The following PRELID2 variants were observed in gnomAD, a reference collection of about 807,000 sequenced individuals.
PRELID2 encodes PRELI domain containing 2.
In PRELID2, 25 loss-of-function variants were observed where a neutral mutation model predicts 28.4. The ratio of observed to expected loss-of-function variants is 0.88; its 90% CI spans 0.64 to 1.23. The LOEUF is 1.23. PRELID2 is among the 50% of genes most tolerant of loss of function. The probability of loss-of-function intolerance (pLI) is 0.00; values close to 1 mark genes in which losing one functional copy is unlikely to be tolerated. For missense variants in PRELID2, 201 were observed against 214.4 expected, an observed-to-expected ratio of 0.94 and a Z score of 0.39; for synonymous variants, 76 against 71.6, an observed-to-expected ratio of 1.06 and a Z score of -0.31.
At chr5:145,264,969 T>TAAAAAAA in the PRELID2 span, among the ~76,000 whole-genome samples, 1 of 56,880 alleles carries the variant, frequency 1.8e-5, no homozygotes. Flanking sequence ...AGTGCAACTC[T>TAAAAAAA]AAAAAAAAAA....
intron 1 of PRELID2, among the ~76,000 whole-genome samples, chr5:145,547,782 G>T (rs2126678196): frequency 6.6e-6 from 1 of 152,208 alleles, no homozygotes; most frequent in African/African-American, 2.4e-5. Flanking sequence ...CTTTATCATT[G>T]CTTATAAAAA....
chr5:145,658,856 G>A (rs763902837), intron 1 of PRELID2, among the ~76,000 whole-genome samples: 4 of 152,182 alleles, frequency 2.6e-5, no homozygotes, highest in Non-Finnish European at 4.4e-5. Flanking sequence ...TACAGAGTAA[G>A]GGATAAGGAA....
chr5:145,691,912 C>T (rs1393809183), intron 1 of PRELID2, among the ~76,000 whole-genome samples: 1 of 152,152 alleles, frequency 6.6e-6, no homozygotes, highest in Non-Finnish European at 1.5e-5. Flanking sequence ...ATACTCCATG[C>T]TGTTTCATGC....
the PRELID2 span, among the ~76,000 whole-genome samples, chr5:145,344,625 T>C: frequency 2.0e-5 from 3 of 152,074 alleles, no homozygotes; most frequent in African/African-American, 4.8e-5. Context: ...TGAAACTGTA[T>C]ACATAATGTA....
chr5:145,309,214 C>T, the PRELID2 span, among the ~76,000 whole-genome samples: 1 of 152,076 alleles, frequency 6.6e-6, no homozygotes, highest in Non-Finnish European at 1.5e-5. Context: ...GTAATCAACA[C>T]AAGAAATATT....
rs112491050 is a variant in PRELID2, at chr5:145,713,825, T to C, written n.70+51106A>G. 4.8e-3 allele frequency among the ~76,000 whole-genome samples: 727 copies of C among 150,486 alleles called. 8 individuals are homozygous for C. The highest frequency in any genetic ancestry group is 0.016 in the African/African-American group (666 of 41,068). On this transcript the variant is annotated intron_variant and non_coding_transcript_variant, in intron 1 of 2. Transcript: ENST00000510259. ...CATTTAAATGTAATTCTGGCACATA[T>C]ATATATGCCAGAAGACAATGGAATT...
chr5:145,567,713 C>A (rs1261570179), intron 1 of PRELID2, among the ~76,000 whole-genome samples: 1 of 152,130 alleles, frequency 6.6e-6, no homozygotes, highest in Non-Finnish European at 1.5e-5. Context: ...ACTTCTCCTG[C>A]TGGCACTTCT....
chr5:145,241,656 A>T, the PRELID2 span, among the ~76,000 whole-genome samples: 2 of 152,040 alleles, frequency 1.3e-5, no homozygotes, highest in South Asian at 4.1e-4. Context: ...ATAATATATG[A>T]GTCCATGGGT....
chr5:145,332,170 C>A, the PRELID2 span, among the ~76,000 whole-genome samples: 1 of 152,136 alleles, frequency 6.6e-6, no homozygotes, highest in Non-Finnish European at 1.5e-5. Context: ...TGTGGGTGAC[C>A]TTACCTTTCT....
At chr5:145,650,523 CATATAT>C (rs1754272885) in intron 1 of PRELID2, among the ~76,000 whole-genome samples, 3 of 91,742 alleles carry the variant, frequency 3.3e-5, no homozygotes, top group Admixed American at 1.4e-4. Flanking sequence ...TCGAATCGCA[CATATAT>C]ACATATATAT....
At chr5:145,574,081 G>C (rs1322151689) in intron 1 of PRELID2, among the ~76,000 whole-genome samples, 1 of 152,134 alleles carries the variant, frequency 6.6e-6, no homozygotes, top group Non-Finnish European at 1.5e-5. Context: ...TATCTGAGTG[G>C]ACCCAATGCA....
the PRELID2 span, among the ~76,000 whole-genome samples, chr5:145,233,236 C>T: frequency 6.6e-6 from 1 of 152,212 alleles, no homozygotes; most frequent in Non-Finnish European, 1.5e-5. Context: ...AAATCCAGTG[C>T]TATTTCCACT....
In PRELID2 at chr5:145,735,021, C is replaced by A. The variant is rs576035466; in HGVS notation, n.70+29910G>T. 2.0e-3 allele frequency among the ~76,000 whole-genome samples: 302 copies of A among 152,134 alleles called. 4 individuals are homozygous for A. In the Middle Eastern group the frequency reaches 0.034, roughly 17 times the overall value. Reference sequence around the variant, plus strand: ...CAGCACTTTGGGAGGATAAGGCGGGCAGATCATGAAGTCAGGAATTCGAGA... The same window carrying A: ...CAGCACTTTGGGAGGATAAGGCGGGAAGATCATGAAGTCAGGAATTCGAGA... On this transcript the variant is annotated intron_variant and non_coding_transcript_variant, in intron 1 of 2. Transcript: ENST00000510259.
the PRELID2 span, chr5:145,337,811 A>T: frequency 2.0e-5 from 3 of 148,004 alleles, no homozygotes; most frequent in South Asian, 6.4e-4. Flanking sequence ...CAAGCACAGA[A>T]GTTTCTGTTC....
intron 1 of PRELID2, among the ~76,000 whole-genome samples, chr5:145,595,468 C>T (rs540233219): frequency 6.6e-6 from 1 of 152,246 alleles, no homozygotes; most frequent in South Asian, 2.1e-4. Context: ...CAAAGCTCCA[C>T]CTTTGCCAGT....
At chr5:145,584,564 C>T (rs1487407713) in intron 1 of PRELID2, among the ~76,000 whole-genome samples, 1 of 151,962 alleles carries the variant, frequency 6.6e-6, no homozygotes, top group Non-Finnish European at 1.5e-5. Context: ...CCAGAGTCTA[C>T]ATGGAATTTA....
chr5:145,775,637 T>C (rs1052404839), intron 5 of PRELID2, among the ~76,000 whole-genome samples: 2 of 152,352 alleles, frequency 1.3e-5, no homozygotes, highest in East Asian at 1.9e-4. Context: ...CAGAATTCCA[T>C]TGTGTAATGC....
At chr5:145,353,439 G>A in the PRELID2 span, among the ~76,000 whole-genome samples, 6 of 151,864 alleles carry the variant, frequency 4.0e-5, no homozygotes, top group African/African-American at 1.2e-4. Context: ...CTACAGCTTG[G>A]GTGACATAGC....
chr5:145,655,827 A>C (rs1754383734), intron 1 of PRELID2, among the ~76,000 whole-genome samples: 1 of 152,164 alleles, frequency 6.6e-6, no homozygotes, highest in Non-Finnish European at 1.5e-5. Flanking sequence ...TACCATTCAG[A>C]ACATAGGCAT....
Sources: gnomAD v4.1 joint callset for allele counts (sites outside exome capture counted in the v4.1 genomes callset) on GRCh38, gnomAD v4.1.1 for gene constraint, MANE v1.5 for transcripts, NCBI Gene and HGNC (gene_info 2026-07-23, HGNC 2026-07-21) for gene names.